Variants in EYS observed in about 807,000 individuals in gnomAD.
EYS encodes the protein protein eyes shut homolog.
Under a neutral mutation model 282.1 loss-of-function variants are expected in EYS, and 250 were observed. That is an observed-to-expected ratio of 0.89 (90% CI 0.80 to 0.98). The LOEUF is 0.98. Among genes scored for constraint, EYS ranks in the 50% least tolerant of loss-of-function variants. The pLI is 0.00. For missense variants in EYS, 4,016 were observed against 3,709.0 expected, an observed-to-expected ratio of 1.08 and a Z score of -2.15; for synonymous variants, 1,355 against 1,282.9, an observed-to-expected ratio of 1.06 and a Z score of -1.20.
chr6:64,273,596 T>A (rs971859414), intron 30 of EYS, among the ~76,000 whole-genome samples: 13 of 152,172 alleles, frequency 8.5e-5, no homozygotes, highest in African/African-American at 3.1e-4. Context: ...ATACTTTCCT[T>A]ACAGCTCCTT....
intron 12 of EYS, among the ~76,000 whole-genome samples, chr6:65,193,163 T>C (rs1054775073): frequency 2.0e-5 from 3 of 151,876 alleles, no homozygotes; most frequent in African/African-American, 7.2e-5. Context: ...AACAGGTTAA[T>C]TTCATTATTA....
intron 13 of EYS, among the ~76,000 whole-genome samples, chr6:65,055,474 C>T (rs1773385069): frequency 6.6e-6 from 1 of 151,846 alleles, no homozygotes; most frequent in Non-Finnish European, 1.5e-5. Context: ...ACAAATGAAC[C>T]AATATTGATG....
At chr6:64,340,559 C>G (rs1051510077) in intron 29 of EYS, among the ~76,000 whole-genome samples, 1 of 151,752 alleles carries the variant, frequency 6.6e-6, no homozygotes, top group Non-Finnish European at 1.5e-5. Flanking sequence ...TCACTGTATA[C>G]AACAATTAAG....
intron 28 of EYS, among the ~76,000 whole-genome samples, chr6:64,406,856 G>A (rs972217781): frequency 7.2e-5 from 11 of 152,202 alleles, no homozygotes; most frequent in Admixed American, 4.6e-4. Flanking sequence ...ACTGTTGGTA[G>A]GAGTATAAAT....
At chr6:64,330,801 C>CT (rs1243638360) in intron 29 of EYS, among the ~76,000 whole-genome samples, 4 of 152,074 alleles carry the variant, frequency 2.6e-5, no homozygotes, top group African/African-American at 9.7e-5. Context: ...ATATCAAGGA[C>CT]TTTTTTGTGA....
chr6:64,018,539 G>GATTTTGGTAACATTTTGGTAACA (rs1562153527), intron 33 of EYS, among the ~76,000 whole-genome samples: 1 of 152,058 alleles, frequency 6.6e-6, no homozygotes, highest in East Asian at 1.9e-4. Context: ...TGTCTCAATT[G>GATTTTGGTAACATTTTGGTAACA]AAATTTGATT....
intron 40 of EYS, among the ~76,000 whole-genome samples, chr6:63,764,133 C>G (rs1213697573): frequency 6.6e-6 from 1 of 151,670 alleles, no homozygotes; most frequent in Non-Finnish European, 1.5e-5. Context: ...CCGTGCCAGT[C>G]TAAAAAGCGC....
At chr6:64,478,309 T>C (rs1776334917) in intron 26 of EYS, among the ~76,000 whole-genome samples, 4 of 151,976 alleles carry the variant, frequency 2.6e-5, no homozygotes, top group African/African-American at 9.7e-5. Flanking sequence ...GGGCTAGAAC[T>C]GTGTTTTTAT....
chr6:65,359,638 T>C (rs191041094), intron 8 of EYS, among the ~76,000 whole-genome samples: 76 of 152,154 alleles, frequency 5.0e-4, no homozygotes, highest in Middle Eastern at 6.8e-3. Flanking sequence ...TTTATATTTA[T>C]TTAAAGCATT....
intron 2 of EYS, among the ~76,000 whole-genome samples, chr6:65,627,027 C>CTTTCTT (rs1490520748): frequency 2.2e-5 from 3 of 137,996 alleles, no homozygotes; most frequent in Non-Finnish European, 3.2e-5. Flanking sequence ...TTCTTTCTTT[C>CTTTCTT]TCTTTCTTTC....
chr6:64,629,955 G>A lies in EYS; in HGVS notation c.3444-3710C>T, dbSNP rs550329116. 2.9e-4 allele frequency among the ~76,000 whole-genome samples: 44 copies of A among 152,230 alleles called. No individual in the cohort carries two copies. In the South Asian group the frequency reaches 3.3e-3, roughly 11 times the overall value. On this transcript the variant is annotated intron_variant, in intron 22 of 42. Coordinates refer to ENST00000503581, the MANE Select transcript of EYS (RefSeq NM_001142800.2). Reference sequence around the variant, plus strand: ...GATATTAAATAGCAGTGTTGTGAGAGGAAATGTTTGCCTGTATCAAATCTG... The same window carrying A: ...GATATTAAATAGCAGTGTTGTGAGAAGAAATGTTTGCCTGTATCAAATCTG...
At chr6:64,376,022 A>C (rs1561958730) in intron 29 of EYS, among the ~76,000 whole-genome samples, 1 of 152,216 alleles carries the variant, frequency 6.6e-6, no homozygotes. Context: ...TCCATAAAAA[A>C]ATTGTGAGTC....
At chr6:65,241,943 T>G (rs2150276372) in intron 12 of EYS, among the ~76,000 whole-genome samples, 1 of 152,208 alleles carries the variant, frequency 6.6e-6, no homozygotes, top group African/African-American at 2.4e-5. Flanking sequence ...TATATACAAT[T>G]TATATTTGTC....
chr6:64,813,303 A>C (rs1452484933), intron 22 of EYS, 75 bp downstream of exon 22: 1 of 1,039,330 alleles, frequency 9.6e-7, no homozygotes, highest in Non-Finnish European at 1.4e-6. Flanking sequence ...TACATTGCAG[A>C]GTGCATTACT....
intron 29 of EYS, among the ~76,000 whole-genome samples, chr6:64,335,045 A>G (rs1770789157): frequency 6.6e-6 from 1 of 152,134 alleles, no homozygotes; most frequent in Non-Finnish European, 1.5e-5. Flanking sequence ...ATGGTTCTGC[A>G]AAAGTACCAA....
chr6:65,358,768 G>A (rs2150331853), intron 8 of EYS, among the ~76,000 whole-genome samples: 1 of 151,710 alleles, frequency 6.6e-6, no homozygotes, highest in Admixed American at 6.6e-5. Flanking sequence ...ACTATAAAAT[G>A]TATAGCTCAT....
intron 24 of EYS, among the ~76,000 whole-genome samples, chr6:64,597,149 T>C (rs913957415): frequency 6.6e-6 from 1 of 152,100 alleles, no homozygotes; most frequent in African/African-American, 2.4e-5. Context: ...GAAAGGCCAA[T>C]TAAAACTGCA....
chr6:64,755,386 C>T (rs925154603), intron 22 of EYS, among the ~76,000 whole-genome samples: 20 of 151,854 alleles, frequency 1.3e-4, no homozygotes, highest in African/African-American at 4.8e-4. Flanking sequence ...TCTCAAAATA[C>T]CATTATTGAT....
chr6:63,865,669 T>C (rs1772654631), intron 35 of EYS, among the ~76,000 whole-genome samples: 1 of 152,014 alleles, frequency 6.6e-6, no homozygotes, highest in Admixed American at 6.6e-5. Flanking sequence ...ATACCATGAA[T>C]TTTTCCCCAG....
Sources: gnomAD v4.1 joint callset for allele counts (sites outside exome capture counted in the v4.1 genomes callset) on GRCh38, gnomAD v4.1.1 for gene constraint, MANE v1.5 for transcripts, NCBI Gene and HGNC (gene_info 2026-07-23, HGNC 2026-07-21) for gene names.